Variants in ZNF169 observed in about 807,000 individuals in gnomAD.
ZNF169 encodes zinc finger protein 169.
A neutral mutation model predicts 12.0 loss-of-function variants in ZNF169; 11 were observed. The observed-to-expected ratio is 0.92, with a 90% CI of 0.58 to 1.52. The LOEUF (loss-of-function observed/expected upper bound fraction) is 1.52. ZNF169 is among the 40% of genes most tolerant of loss of function. ZNF169 has a pLI of 0.00. For synonymous variants in ZNF169, 302 were observed against 286.5 expected (o/e 1.05, Z -0.55); for missense variants, 722 against 744.0 (o/e 0.97, Z 0.34).
At chr9:94,297,218 G>T (rs1255384336) in intron 4 of ZNF169, among the ~76,000 whole-genome samples, 1 of 152,084 alleles carries the variant, frequency 6.6e-6, no homozygotes, top group Non-Finnish European at 1.5e-5. Flanking sequence ...AATTTGTGGA[G>T]AACTTACACA....
chr9:94,288,210 A>G (rs1830754772), intron 2 of ZNF169: 1 of 812,142 alleles, frequency 1.2e-6, no homozygotes, highest in Non-Finnish European at 2.2e-6. Context: ...CCCTGTCTTG[A>G]TTTTAGCATT....
intron 2 of ZNF169, 152 bp from the exon 3 acceptor site, chr9:94,292,189 A>G: frequency 1.6e-6 from 2 of 1,264,258 alleles, no homozygotes; most frequent in Non-Finnish European, 1.1e-6. Flanking sequence ...TCTTGAATAT[A>G]TGGAACCAGG....
In ZNF169 at chr9:94,292,394, G is replaced by A. The variant is rs769375423; in HGVS notation, c.87G>A (p.Lys29=). Residue 29 remains lysine, a synonymous_variant, in exon 3 of 5, where the codon AAG becomes AAA. Transcript: ENST00000395395. ...TGGCCTTCACCCAGAAGGAGTGGAA[G>A]CTATTGAGTTCTGCTCAGAGGACCC... is the stretch of plus-strand genomic sequence containing the variant. ...VAVAFTQKEW[K]LLSSAQRTLY... The A allele has an allele frequency of 6.2e-7, 1 of 1,614,172 alleles. No homozygotes were observed. The highest frequency in any genetic ancestry group is 8.5e-7 in the Non-Finnish European group (1 of 1,180,040).
At chr9:94,263,906 G>A (rs566105850) in intron 1 of ZNF169, among the ~76,000 whole-genome samples, 1 of 147,522 alleles carries the variant, frequency 6.8e-6, no homozygotes, top group South Asian at 2.1e-4. Context: ...ATAGTGCTTT[G>A]CATTTTTACT....
In ZNF169 at chr9:94,297,384, C is replaced by G. The variant is rs150857419; in HGVS notation, c.257-2431C>G. 1.2e-3 allele frequency among the ~76,000 whole-genome samples: 187 copies of G among 152,246 alleles called. 1 individual carries two copies. Among genetic ancestry groups the G allele is most frequent in the Non-Finnish European group, 2.2e-3 (149 of 68,008 alleles). ...CCCCTAAGTATTTCATATTTTGATG[C>G]TATTTTTAAGTGTCAATTTTCAGTT... On this transcript the variant is annotated intron_variant, in intron 4 of 4. Coordinates refer to ENST00000395395, the MANE Select transcript of ZNF169 (RefSeq NM_194320.4).
chr9:94,276,787 G>C (rs1421792271), intron 1 of ZNF169, among the ~76,000 whole-genome samples: 1 of 152,008 alleles, frequency 6.6e-6, no homozygotes, highest in East Asian at 1.9e-4. Flanking sequence ...TCCATTTGTT[G>C]AAAGTGTTGC....
intron 4 of ZNF169, chr9:94,293,426 A>AT (rs1310235440): frequency 1.2e-4 from 68 of 570,038 alleles, no homozygotes; most frequent in South Asian, 3.3e-4. Flanking sequence ...TTTTATTTTT[A>AT]TTTTTTTTGA....
In ZNF169 at chr9:94,293,129, G is replaced by A. The variant is rs776847178; in HGVS notation, c.256+60G>A. Reference sequence around the variant, plus strand: ...GGCAGTGAGGAGCTCAGCAGGTAAGGAAGGAGGGGCTATCTTTGAGGTGCT... The same window carrying A: ...GGCAGTGAGGAGCTCAGCAGGTAAGAAAGGAGGGGCTATCTTTGAGGTGCT... On this transcript the variant is annotated intron_variant, in intron 4 of 4. Coordinates refer to ENST00000395395, the MANE Select transcript of ZNF169 (RefSeq NM_194320.4). 29 of 1,446,798 alleles carry A rather than the reference G, an allele frequency of 2.0e-5. No individual in the cohort carries two copies. The African/African-American group carries it at 3.9e-4, about 19-fold the overall frequency. 89.6% of individuals were successfully genotyped at this position (1,446,798 alleles called of 1,614,324 possible).
At chr9:94,262,605 G>T (rs1169065996) in intron 1 of ZNF169, among the ~76,000 whole-genome samples, 1 of 152,052 alleles carries the variant, frequency 6.6e-6, no homozygotes, top group South Asian at 2.1e-4. Context: ...CTACAGGCGT[G>T]CGCCACCATG....
intron 1 of ZNF169, among the ~76,000 whole-genome samples, chr9:94,264,425 G>A (rs573629825): frequency 2.0e-5 from 3 of 152,172 alleles, no homozygotes; most frequent in East Asian, 1.9e-4. Flanking sequence ...GAGCCACCGC[G>A]CCTGGCTTCA....
intron 4 of ZNF169, chr9:94,295,846 A>G (rs1564092508): frequency 2.0e-5 from 3 of 152,166 alleles, no homozygotes; most frequent in Admixed American, 6.6e-5. Flanking sequence ...TAAGCATGCA[A>G]GTTTTTGTGT....
chr9:94,276,452 G>A (rs1039749617), intron 1 of ZNF169, among the ~76,000 whole-genome samples: 20 of 152,092 alleles, frequency 1.3e-4, no homozygotes, highest in African/African-American at 4.1e-4. Context: ...TTTTAGTAGA[G>A]ATGGGGTTCC....
At chr9:94,262,913 A>G (rs1342951598) in intron 1 of ZNF169, among the ~76,000 whole-genome samples, 4 of 152,208 alleles carry the variant, frequency 2.6e-5, no homozygotes, top group Non-Finnish European at 5.9e-5. Context: ...GTTTCTAGCT[A>G]TTCTTACTGA....
chr9:94,267,947 C>T (rs1351127166), intron 1 of ZNF169, among the ~76,000 whole-genome samples: 1 of 148,644 alleles, frequency 6.7e-6, no homozygotes, highest in Non-Finnish European at 1.5e-5. Flanking sequence ...CTCACCGCAA[C>T]CTGCCCCTCC....
chr9:94,299,548 G>A (rs543556250), intron 4 of ZNF169: 17 of 1,332,946 alleles, frequency 1.3e-5, no homozygotes, highest in Middle Eastern at 2.8e-4. Context: ...GCAAGGGAGC[G>A]GCGCCCAAGA....
chr9:94,289,561 A>G (rs527696973), intron 2 of ZNF169, among the ~76,000 whole-genome samples: 6 of 152,292 alleles, frequency 3.9e-5, no homozygotes, highest in African/African-American at 1.4e-4. Context: ...AGGCCGAGGC[A>G]GGTGGATCAC....
At chr9:94,290,335 A>G (rs1830804522) in intron 2 of ZNF169, among the ~76,000 whole-genome samples, 1 of 152,212 alleles carries the variant, frequency 6.6e-6, no homozygotes, top group Non-Finnish European at 1.5e-5. Context: ...TTATACAACC[A>G]TCACCACTTT....
chr9:94,272,026 C>A (rs1387441534), intron 1 of ZNF169, among the ~76,000 whole-genome samples: 1 of 152,020 alleles, frequency 6.6e-6, no homozygotes, highest in East Asian at 1.9e-4. Flanking sequence ...TAGGGCCACT[C>A]AAAATTACCA....
chr9:94,276,459 T>C (rs1830520721), intron 1 of ZNF169, among the ~76,000 whole-genome samples: 1 of 152,210 alleles, frequency 6.6e-6, no homozygotes, highest in Non-Finnish European at 1.5e-5. Flanking sequence ...AGAGATGGGG[T>C]TCCACCATGT....
Sources: allele counts gnomAD v4.1 joint callset (sites outside exome capture counted in the v4.1 genomes callset), GRCh38; gene constraint gnomAD v4.1.1; transcripts MANE v1.5; gene names NCBI Gene and HGNC (gene_info 2026-07-23, HGNC 2026-07-21).